Variants in BTBD7 observed in about 807,000 individuals in gnomAD.
The protein encoded by BTBD7 is BTB/POZ domain-containing protein 7.
A neutral mutation model predicts 99.9 loss-of-function variants in BTBD7; 38 were observed. That is an observed-to-expected ratio of 0.38 (90% CI 0.29 to 0.50). BTBD7 has a LOEUF of 0.50. BTBD7 is among the 20% of genes least tolerant of loss of function. BTBD7 has a pLI of 0.93. For synonymous variants in BTBD7, 520 were observed against 511.4 expected, an observed-to-expected ratio of 1.02 and a Z score of -0.23; for missense variants, 1,170 against 1,394.6, an observed-to-expected ratio of 0.84 and a Z score of 2.57.
At chr14:93,303,740 C>A (rs976073763) in intron 1 of BTBD7, among the ~76,000 whole-genome samples, 2 of 152,214 alleles carry the variant, frequency 1.3e-5, no homozygotes, top group African/African-American at 4.8e-5. Context: ...TCAGAGCTCA[C>A]ACTCCAAATG....
chr14:93,268,036 G>C (rs1308524245), intron 3 of BTBD7, among the ~76,000 whole-genome samples: 1 of 152,090 alleles, frequency 6.6e-6, no homozygotes, highest in African/African-American at 2.4e-5. Flanking sequence ...TGATGATCTG[G>C]CACCTGCCTA....
chr14:93,320,185 G>A (rs1018710933), intron 1 of BTBD7, among the ~76,000 whole-genome samples: 2 of 152,036 alleles, frequency 1.3e-5, no homozygotes, highest in Admixed American at 1.3e-4. Flanking sequence ...GGGAGGGGAA[G>A]ATATTAAAAC....
chr14:93,276,515 A>G (rs901471313), intron 3 of BTBD7, among the ~76,000 whole-genome samples: 1 of 152,194 alleles, frequency 6.6e-6, no homozygotes, highest in Non-Finnish European at 1.5e-5. Context: ...TTAAATTAAA[A>G]AAAAGTACCA....
At chr14:93,270,671 G>T in intron 3 of BTBD7, among the ~76,000 whole-genome samples, 1 of 151,156 alleles carries the variant, frequency 6.6e-6, no homozygotes, top group African/African-American at 2.4e-5. Context: ...CTCCAGCCTG[G>T]GCAACAGAGC....
chr14:93,245,751 T>C (rs2052296685), intron 10 of BTBD7, 74 bp downstream of exon 10: 2 of 1,545,000 alleles, frequency 1.3e-6, no homozygotes, highest in Non-Finnish European at 8.7e-7. Flanking sequence ...CCAGTGGGGC[T>C]CTTGGGGCCA....
At chr14:93,254,745 A>G (rs897175269) in intron 6 of BTBD7, among the ~76,000 whole-genome samples, 2 of 152,212 alleles carry the variant, frequency 1.3e-5, no homozygotes, top group Admixed American at 1.3e-4. Context: ...AGGTGGTGTG[A>G]GGATTAAATG....
intron 3 of BTBD7, among the ~76,000 whole-genome samples, chr14:93,283,068 A>C (rs1386064835): frequency 6.6e-6 from 1 of 152,128 alleles, no homozygotes; most frequent in Non-Finnish European, 1.5e-5. Context: ...AACTTTGTAT[A>C]ATTTTTGCTG....
chr14:93,246,335 A>T (rs537046563), intron 9 of BTBD7, 49 bp from the exon 10 acceptor site: 2 of 1,466,542 alleles, frequency 1.4e-6, no homozygotes, highest in Non-Finnish European at 1.8e-6. Flanking sequence ...AGCAGATTTC[A>T]TAAGTGGAAA....
chr14:93,254,758 G>A (rs1218937132), intron 6 of BTBD7, among the ~76,000 whole-genome samples: 3 of 152,134 alleles, frequency 2.0e-5, no homozygotes, highest in Non-Finnish European at 2.9e-5. Flanking sequence ...ATTAAATGAG[G>A]GCAATGCAGA....
intron 1 of BTBD7, among the ~76,000 whole-genome samples, chr14:93,325,739 G>C (rs1366814177): frequency 1.6e-5 from 2 of 123,070 alleles, no homozygotes; most frequent in East Asian, 2.3e-4. Flanking sequence ...TCCCAGTCTG[G>C]TGTTCTATCA....
chr14:93,298,814 C>G (rs1222342493), intron 1 of BTBD7, among the ~76,000 whole-genome samples: 1 of 152,122 alleles, frequency 6.6e-6, no homozygotes, highest in East Asian at 1.9e-4. Context: ...TATATGACAT[C>G]AATGGCCCCA....
chr14:93,268,740 T>A lies in BTBD7; in HGVS notation c.1163-4747A>T, dbSNP rs562562859. On this transcript the variant is annotated intron_variant, in intron 3 of 10. Coordinates refer to ENST00000334746, the MANE Select transcript of BTBD7 (RefSeq NM_001002860.4). ...AAAAGTTCCCCTTCCCAGCCTTTTA[T>A]GCCTCTAACTTAGACCTTTTTTTTT... 1.1e-4 allele frequency among the ~76,000 whole-genome samples: 16 copies of A among 150,558 alleles called. No individual in the cohort carries two copies. The South Asian group carries it at 3.2e-3, about 30-fold the overall frequency.
Position 93,267,784 on chromosome 14 carries a change from C to A in BTBD7, c.1163-3791G>T, listed in dbSNP as rs117256238. On this transcript the variant is annotated intron_variant, in intron 3 of 10. Coordinates refer to ENST00000334746, the MANE Select transcript of BTBD7 (RefSeq NM_001002860.4). ...GTTCATTCTTCTTTTCAATTCAACC[C>A]CTCCACAGAATCTCCATTGAATTTT... Among the ~76,000 whole-genome samples, 157 of 152,258 alleles carry A rather than the reference C, an allele frequency of 1.0e-3. 1 individual carries two copies. The East Asian group carries it at 0.024, about 24-fold the overall frequency.
chr14:93,305,950 T>C (rs1274007657), intron 1 of BTBD7, among the ~76,000 whole-genome samples: 3 of 152,202 alleles, frequency 2.0e-5, no homozygotes, highest in Non-Finnish European at 4.4e-5. Flanking sequence ...AGCCCCATTA[T>C]GGTGGCCCCA....
intron 1 of BTBD7, among the ~76,000 whole-genome samples, chr14:93,298,338 C>A (rs2052954603): frequency 1.3e-5 from 2 of 152,152 alleles, no homozygotes; most frequent in Admixed American, 1.3e-4. Flanking sequence ...TGAAATGCTC[C>A]AAAATCCAAT....
chr14:93,289,248 T>C (rs949732316), intron 3 of BTBD7, among the ~76,000 whole-genome samples: 2 of 152,198 alleles, frequency 1.3e-5, no homozygotes, highest in Admixed American at 6.5e-5. Flanking sequence ...TAGGGAATAC[T>C]TGGCTCACTA....
At chr14:93,305,299 T>C (rs1045596165) in intron 1 of BTBD7, among the ~76,000 whole-genome samples, 1 of 152,194 alleles carries the variant, frequency 6.6e-6, no homozygotes. Flanking sequence ...AGAATCTTTG[T>C]TGGCATGTTA....
chr14:93,256,031 C>T (rs747863432), intron 6 of BTBD7: 1 of 152,110 alleles, frequency 6.6e-6, no homozygotes, highest in Admixed American at 6.6e-5. Flanking sequence ...CAGGGCTACC[C>T]CATAGGCAGT....
rs2053241411 is a variant in BTBD7, at chr14:93,319,154, A to AGTGAGCC, written c.-107+13659_-107+13665dup. On this transcript the variant is annotated intron_variant, in intron 1 of 10. Transcript: ENST00000334746. ...CCAGGCATTTGAGGTTACAGTGAGC[A>AGTGAGCC]GTGAGCCATGACTGCACCACTGCAC... Among the ~76,000 whole-genome samples the AGTGAGCC allele has an allele frequency of 2.0e-5, 3 of 152,330 alleles. No homozygotes were observed. The South Asian group carries it at 6.2e-4, about 32-fold the overall frequency.
Sources: allele counts gnomAD v4.1 joint callset (sites outside exome capture counted in the v4.1 genomes callset), GRCh38; gene constraint gnomAD v4.1.1; transcripts MANE v1.5; gene names NCBI Gene and HGNC (gene_info 2026-07-23, HGNC 2026-07-21).